The following PCDHGA1 variants were observed in gnomAD, a reference collection of about 807,000 sequenced individuals.
PCDHGA1 encodes the protein protocadherin gamma-A1.
A neutral mutation model predicts 58.0 loss-of-function variants in PCDHGA1; 32 were observed. The observed-to-expected ratio is 0.55, with a 90% CI of 0.42 to 0.74. PCDHGA1 has a LOEUF of 0.74. Ranked by LOEUF, PCDHGA1 falls within the 30% of genes least tolerant of loss-of-function variation. PCDHGA1 has a pLI of 0.00. For missense variants in PCDHGA1, 1,205 were observed against 1,182.3 expected (o/e 1.02, Z -0.28); for synonymous variants, 498 against 501.1 (o/e 0.99, Z 0.08).
intron 1 of PCDHGA1, chr5:141,417,591 C>T (rs1287721863): frequency 2.1e-6 from 1 of 484,478 alleles, no homozygotes; most frequent in East Asian, 3.4e-5. Context: ...CACAGAGCCT[C>T]TGGGCGCCGC....
intron 1 of PCDHGA1, chr5:141,356,934 AC>A (rs1375137728): frequency 1.2e-6 from 2 of 1,613,894 alleles, no homozygotes; most frequent in African/African-American, 2.7e-5. Context: ...TGGAGCTGGC[AC>A]CCCGCTCCGC....
intron 1 of PCDHGA1, among the ~76,000 whole-genome samples, chr5:141,482,052 T>G (rs2099551017): frequency 6.7e-6 from 1 of 150,154 alleles, no homozygotes; most frequent in Non-Finnish European, 1.5e-5. Flanking sequence ...GCTGTTGCAT[T>G]CCAGCCTGGG....
At position 141,332,102 on chromosome 5, in the gene PCDHGA1, C is replaced by T. The variant is rs999253051; in HGVS notation, c.1418C>T (p.Ser473Phe). ...AACCCCAGAGGAGCCTCCATCTTCT[C>T]TGTGAGGGCCCACGACTTGGACAGC... ...ENNPRGASIF[S>F]VRAHDLDSNE... The change falls in exon 1 of 4, where the codon TCT becomes TTT. Residue 473 changes from serine to phenylalanine, a missense_variant. Transcript: ENST00000517417. This position sits in a 1 kb window ranked among gnomAD's most constrained non-coding sequence, Gnocchi z 4.6. 1 of 1,614,214 alleles carries T rather than the reference C, an allele frequency of 6.2e-7. No individual in the cohort carries two copies. The highest frequency in any genetic ancestry group is 1.3e-5 in the African/African-American group (1 of 75,048).
chr5:141,432,561 A>C lies in PCDHGA1; in HGVS notation c.2422-62246A>C, dbSNP rs746684751. On this transcript the variant is annotated intron_variant, in intron 1 of 3. Transcript: ENST00000517417. This position sits in a 1 kb window ranked among gnomAD's most constrained non-coding sequence, Gnocchi z 6.0. Reference sequence around the variant, plus strand: ...GCGGTGGACAGAGACTCCGGCCAGAACGCCTGGCTGTCCTACCGTCTGCTC... The same window carrying C: ...GCGGTGGACAGAGACTCCGGCCAGACCGCCTGGCTGTCCTACCGTCTGCTC... 37 of 1,613,308 alleles carry C rather than the reference A, an allele frequency of 2.3e-5. 1 individual carries two copies. The highest frequency in any genetic ancestry group is 2.7e-5 in the African/African-American group (2 of 74,712).
At chr5:141,418,124 C>A (rs762154093) in intron 1 of PCDHGA1, 33 of 1,613,836 alleles carry the variant, frequency 2.0e-5, no homozygotes, top group East Asian at 1.3e-4. Flanking sequence ...TGTGAAGGAC[C>A]GAATAGACCG....
chr5:141,397,200 G>A (rs2093487150), intron 1 of PCDHGA1, among the ~76,000 whole-genome samples: 1 of 152,154 alleles, frequency 6.6e-6, no homozygotes, highest in Non-Finnish European at 1.5e-5. Context: ...TAAAAGATAT[G>A]ACATAAGAGA....
At chr5:141,510,132 G>A (rs920772998) in intron 3 of PCDHGA1, among the ~76,000 whole-genome samples, 2 of 152,120 alleles carry the variant, frequency 1.3e-5, no homozygotes, top group African/African-American at 4.8e-5. Context: ...AAATTAGCTG[G>A]GCTAGTGGTG....
intron 1 of PCDHGA1, chr5:141,374,379 G>C (rs1163047741): frequency 6.2e-7 from 1 of 1,614,042 alleles, no homozygotes; most frequent in Admixed American, 1.7e-5. Context: ...TGTGCTCAGA[G>C]CCCGCGGTGT....
chr5:141,398,145 G>A, intron 1 of PCDHGA1: 2 of 1,520,796 alleles, frequency 1.3e-6, no homozygotes, highest in Admixed American at 4.8e-5. Context: ...GCGGCGCCGG[G>A]GAGCTGGGCC....
At chr5:141,362,328 C>G (rs1351863626) in intron 1 of PCDHGA1, 1 of 1,613,950 alleles carries the variant, frequency 6.2e-7, no homozygotes. Context: ...AGCCTGGTCT[C>G]AGCTCCAAGC....
chr5:141,395,445 T>C (rs1257175969), intron 1 of PCDHGA1: 1 of 655,916 alleles, frequency 1.5e-6, no homozygotes, highest in East Asian at 2.9e-5. Context: ...TTGGAAAAGA[T>C]TGTTCAACCA....
rs1223541930 is a variant in PCDHGA1 at position 141,345,170 on chromosome 5, T to A, written c.2421+12065T>A. 2.5e-6 allele frequency: 4 copies of A among 1,614,000 alleles called. No homozygotes were observed. The Admixed American group carries it at 6.7e-5, about 27-fold the overall frequency. On this transcript the variant is annotated intron_variant, in intron 1 of 3. Coordinates refer to ENST00000517417, the MANE Select transcript of PCDHGA1 (RefSeq NM_018912.3). ...TGCATGACCGAGATTCTGGGCAGAATGGGCAGGTTGAAGTTTTTGTCCTGG... is the reference window on the plus strand; with the variant it reads ...TGCATGACCGAGATTCTGGGCAGAAAGGGCAGGTTGAAGTTTTTGTCCTGG...
intron 1 of PCDHGA1, among the ~76,000 whole-genome samples, chr5:141,472,994 A>AAAAG (rs1425445230): frequency 1.3e-5 from 2 of 151,692 alleles, no homozygotes; most frequent in Non-Finnish European, 2.9e-5. Context: ...AAAAAAAAAA[A>AAAAG]AAAGAAAGAA....
intron 1 of PCDHGA1, chr5:141,370,520 CA>C: frequency 6.2e-7 from 1 of 1,613,870 alleles, no homozygotes; most frequent in Non-Finnish European, 8.5e-7. Flanking sequence ...AGGAGCTGGA[CA>C]GGGGCTCGCT....
chr5:141,456,047 A>G (rs1321504293), intron 1 of PCDHGA1, among the ~76,000 whole-genome samples: 3 of 151,774 alleles, frequency 2.0e-5, no homozygotes, highest in Non-Finnish European at 4.4e-5. Context: ...ACAGGCGCCC[A>G]CCACCACGTC....
intron 1 of PCDHGA1, chr5:141,370,415 G>A: frequency 6.4e-7 from 1 of 1,569,830 alleles, no homozygotes; most frequent in Non-Finnish European, 8.6e-7. Flanking sequence ...GCTCCGGATG[G>A]AGGGGCCCAG....
At chr5:141,473,066 A>G (rs1002054198) in intron 1 of PCDHGA1, among the ~76,000 whole-genome samples, 3 of 152,128 alleles carry the variant, frequency 2.0e-5, no homozygotes, top group African/African-American at 7.2e-5. Context: ...AACAAGTTAC[A>G]GCATCTTTGT....
Position 141,421,845 on chromosome 5 carries a change from G to C in PCDHGA1, c.2422-72962G>C, listed in dbSNP as rs369443134. On this transcript the variant is annotated intron_variant, in intron 1 of 3. Transcript: ENST00000517417. ...AGGGAAGCCTGGACCGAGAGAAAGA[G>C]GCTGCTCACCTGCTCCTCCTCACAG... The C allele has an allele frequency of 1.1e-5, 18 of 1,613,638 alleles. No homozygotes were observed. The African/African-American group carries it at 2.1e-4, about 19-fold the overall frequency.
chr5:141,421,149 C>T (rs1030911066), intron 1 of PCDHGA1: 1 of 1,086,106 alleles, frequency 9.2e-7, no homozygotes, highest in Non-Finnish European at 1.3e-6. Context: ...ATGTAGTCGG[C>T]CTAGGACTTC....
Sources: gnomAD v4.1 joint callset for allele counts (sites outside exome capture counted in the v4.1 genomes callset) on GRCh38, gnomAD v4.1.1 for gene constraint, Gnocchi (gnomAD v3.1) non-coding constraint, MANE v1.5 for transcripts, NCBI Gene and HGNC (gene_info 2026-07-23, HGNC 2026-07-21) for gene names.